Variants in ADAM33 observed in about 807,000 individuals in gnomAD.
ADAM33 encodes the protein disintegrin and metalloproteinase domain-containing protein 33.
A neutral mutation model predicts 106.2 loss-of-function variants in ADAM33; 103 were observed. The ratio of observed to expected loss-of-function variants is 0.97; its 90% confidence interval spans 0.83 to 1.14. The LOEUF (loss-of-function observed/expected upper bound fraction) is 1.14. ADAM33 is among the 50% of genes most tolerant of loss of function. The pLI, the probability that ADAM33 is intolerant of heterozygous loss-of-function variation, is 0.00. For synonymous variants in ADAM33, 483 were observed against 453.0 expected (o/e 1.07, Z -0.84); for missense variants, 1,120 against 1,096.6 (o/e 1.02, Z -0.30).
Position 3,672,798 on chromosome 20 carries a change from C to T in ADAM33, c.1234G>A (p.Gly412Arg), listed in dbSNP as rs755851229. Reference protein sequence around the residue: ...GACLSNAPDPGLPVPPALCGN... With the variant: ...GACLSNAPDPRLPVPPALCGN... ...CAGAGCGCCGGCGGCACCGGGAGTC[C>T]GGGGTCCGGGGCATTGGAGAGGCAA... The change falls in exon 12 of 22, where the codon GGA becomes AGA. Residue 412 changes from glycine to arginine, a missense_variant. Coordinates refer to ENST00000356518, the MANE Select transcript of ADAM33 (RefSeq NM_025220.5). The T allele has an allele frequency of 1.3e-6, 2 of 1,572,264 alleles. No individual in the cohort carries two copies. The highest frequency in any genetic ancestry group is 2.3e-5 in the East Asian group (1 of 43,852).
chr20:3,672,498 CT>C (rs2087608045), intron 13 of ADAM33, 38 bp downstream of exon 13: 1 of 1,599,204 alleles, frequency 6.3e-7, no homozygotes, highest in African/African-American at 1.3e-5. Flanking sequence ...GGCTCCCAAG[CT>C]CCCCGAAACC....
chr20:3,668,827 C>A lies in ADAM33; in HGVS notation c.*136G>T. On this transcript the variant is annotated 3_prime_UTR_variant, in exon 22 of 22. Coordinates refer to ENST00000356518, the MANE Select transcript of ADAM33 (RefSeq NM_025220.5). ...GGAGTGGGTGGGTCGAAGCTCCACT[C>A]GGGGAAGAAACTTCCAAGCTGCCTG... 1 of 1,099,124 alleles carries A rather than the reference C, an allele frequency of 9.1e-7. No homozygotes were observed. The allele number at this position is 1,099,124 out of a possible 1,614,324, so 68.1% of individuals were successfully genotyped here.
At position 3,675,929 on chromosome 20, in the gene ADAM33, C is replaced by T. The variant is rs1363198110; in HGVS notation, c.255-824G>A. On this transcript the variant is annotated intron_variant, in intron 3 of 21. Coordinates refer to ENST00000356518, the MANE Select transcript of ADAM33 (RefSeq NM_025220.5). The surrounding 1 kb of genome is among the most constrained non-coding windows in gnomAD (Gnocchi z 4.1). Reference sequence around the variant, plus strand: ...CTGCCCCCTACCCCTGCCCCACACACACCCGCCACCCTAGGAGGTAGGTGA... The same window carrying T: ...CTGCCCCCTACCCCTGCCCCACACATACCCGCCACCCTAGGAGGTAGGTGA... 6.6e-6 allele frequency among the ~76,000 whole-genome samples: 1 copy of T among 151,840 alleles called. No homozygotes were observed. The highest frequency in any genetic ancestry group is 2.4e-5 in the African/African-American group (1 of 41,334).
Position 3,675,934 on chromosome 20 carries a change from G to A in ADAM33, c.255-829C>T, listed in dbSNP as rs181495505. ...CCCTACCCCTGCCCCACACACACCC[G>A]CCACCCTAGGAGGTAGGTGATGTGA... On this transcript the variant is annotated intron_variant, in intron 3 of 21. Transcript: ENST00000356518. The surrounding 1 kb of genome is among the most constrained non-coding windows in gnomAD (Gnocchi z 4.1). Among the ~76,000 whole-genome samples, 448 of 132,050 alleles carry A rather than the reference G, an allele frequency of 3.4e-3. 1 individual carries two copies. Among genetic ancestry groups the A allele is most frequent in the African/African-American group, 0.012 (418 of 35,204 alleles). The allele number at this position is 132,050 out of a possible 152,430, so 86.6% of individuals were successfully genotyped here. A position where few individuals can be genotyped will look rare whatever the true frequency, so the allele number is the denominator to read the frequency against.
intron 3 of ADAM33, among the ~76,000 whole-genome samples, chr20:3,676,200 C>A (rs962958506): frequency 3.3e-5 from 5 of 151,164 alleles, no homozygotes; most frequent in African/African-American, 1.2e-4. Flanking sequence ...CCTTCCTGAG[C>A]ACAGGTCTGC....
At chr20:3,670,750 T>G in intron 19 of ADAM33, 4 of 458,496 alleles carry the variant, frequency 8.7e-6, no homozygotes, top group East Asian at 3.4e-5. Context: ...AGCAGGAGAG[T>G]GGACAAGAGG....
intron 2 of ADAM33, among the ~76,000 whole-genome samples, chr20:3,678,834 T>C (rs937249410): frequency 6.6e-6 from 1 of 152,256 alleles, no homozygotes; most frequent in African/African-American, 2.4e-5. Flanking sequence ...TACTGCCCTC[T>C]TAGTTTGCAG....
chr20:3,672,004 G>C lies in ADAM33; in HGVS notation c.1598-19C>G. ...TGGGAGCCTGAGGAAGCATGGGCCA[G>C]GCTGGGGGCAGCTCGGAGAGGGGCT... is the stretch of plus-strand genomic sequence containing the variant. On this transcript the variant is annotated intron_variant, in intron 14 of 21. Transcript: ENST00000356518. 1 of 1,553,786 alleles carries C rather than the reference G, an allele frequency of 6.4e-7. No individual in the cohort carries two copies. The highest frequency in any genetic ancestry group is 8.7e-7 in the Non-Finnish European group (1 of 1,148,706).
chr20:3,674,328 T>C, intron 6 of ADAM33, 44 bp from the exon 7 acceptor site: 2 of 1,613,010 alleles, frequency 1.2e-6, no homozygotes, highest in South Asian at 1.1e-5. Context: ...GCTGCTGGGC[T>C]TGAGCCCTGA....
intron 2 of ADAM33, among the ~76,000 whole-genome samples, 169 bp from the exon 3 acceptor site, chr20:3,677,312 A>T (rs756868165): frequency 2.6e-5 from 4 of 152,192 alleles, no homozygotes; most frequent in Non-Finnish European, 5.9e-5. Flanking sequence ...AGGTGAGAAC[A>T]TACAAAGATG....
rs765583683 is a variant in ADAM33 at position 3,674,609 on chromosome 20, C to A, written c.495G>T (p.Glu165Asp). ...PRGSKDFSTH[E>D]IFRMEQLLTW... ...TGAGCAGCTGCTCCATCCGAAAGAT[C>A]TCGTGGGTTGAGAAGTCCTTGGAGC... is the stretch of plus-strand genomic sequence containing the variant. The change falls in exon 6 of 22, where the codon GAG (glutamate) becomes GAT (aspartate). Residue 165 changes from glutamate to aspartate, a missense_variant. Transcript: ENST00000356518. The A allele has an allele frequency of 5.0e-6, 8 of 1,613,078 alleles. No homozygotes were observed. Among genetic ancestry groups the A allele is most frequent in the South Asian group, 1.1e-5 (1 of 90,862 alleles).
At chr20:3,673,517 G>T (rs1351123337) in intron 10 of ADAM33, 21 bp from the exon 11 acceptor site, 2 of 1,468,936 alleles carry the variant, frequency 1.4e-6, no homozygotes, top group South Asian at 2.9e-5. Context: ...GTGGGAGGGC[G>T]GTCACTGCGG....
intron 1 of ADAM33, 97 bp downstream of exon 1, chr20:3,681,811 C>T (rs1008075767): frequency 2.7e-6 from 4 of 1,461,088 alleles, no homozygotes; most frequent in Non-Finnish European, 3.6e-6. Context: ...GCCGTGAGAC[C>T]CTCCGCGCGC....
rs1166718194 is a variant in ADAM33 at position 3,669,019 on chromosome 20, T to C, written c.2405-19A>G. 1.2e-6 allele frequency: 2 copies of C among 1,613,874 alleles called. No individual in the cohort carries two copies. Among genetic ancestry groups the C allele is most frequent in the Non-Finnish European group, 8.5e-7 (1 of 1,179,896 alleles). On this transcript the variant is annotated intron_variant, in intron 21 of 21. Transcript: ENST00000356518. ...TGATCTGCTGAGAATGAGGAGGATA[T>C]GTTGTCCCCTAAGGACTGGGGCCCC...
In ADAM33 at chr20:3,675,665, G is replaced by A. The variant is rs2087895096; in HGVS notation, c.255-560C>T. ...CCCTGCCTCCAGAGAAAACAGAATC[G>A]CCACCTGCCCACGCTGCTTCCACCC... On this transcript the variant is annotated intron_variant, in intron 3 of 21. Transcript: ENST00000356518. The surrounding 1 kb of genome is among the most constrained non-coding windows in gnomAD (Gnocchi z 4.1). Among the ~76,000 whole-genome samples, 1 of 151,904 alleles carries A rather than the reference G, an allele frequency of 6.6e-6. No individual in the cohort carries two copies.
rs1274363593 is a variant in ADAM33 at position 3,673,345 on chromosome 20, C to G, written c.1133+9G>C. On this transcript the variant is annotated intron_variant, in intron 11 of 21. Coordinates refer to ENST00000356518, the MANE Select transcript of ADAM33 (RefSeq NM_025220.5). ...GCCCCGCCGCAGCCCCGACCCCCCA[C>G]CCGCGTACCCGGTGGCCGCAGCCAT... is the stretch of plus-strand genomic sequence containing the variant. The G allele has an allele frequency of 6.5e-7, 1 of 1,537,668 alleles. No homozygotes were observed. The highest frequency in any genetic ancestry group is 1.4e-5 in the African/African-American group (1 of 73,120).
chr20:3,679,683 TG>T, intron 1 of ADAM33, 112 bp from the exon 2 acceptor site: 1 of 901,496 alleles, frequency 1.1e-6, no homozygotes. Context: ...GGAGGCCTTT[TG>T]GGGCAGACTT....
In ADAM33 at chr20:3,672,702, C is replaced by T. The variant is rs1367464381; in HGVS notation, c.1311+19G>A. ...CCTGAGCGGAGAGGGCAAGTGGGGG[C>T]CGGGCGAGCCGACTTAACCTGGCCA... On this transcript the variant is annotated intron_variant, in intron 12 of 21. Transcript: ENST00000356518. 3.2e-6 allele frequency: 5 copies of T among 1,586,820 alleles called. No homozygotes were observed. The highest frequency in any genetic ancestry group is 2.3e-5 in the South Asian group (2 of 88,572).
At chr20:3,676,786 A>G (rs1234463157) in intron 3 of ADAM33, among the ~76,000 whole-genome samples, 1 of 152,012 alleles carries the variant, frequency 6.6e-6, no homozygotes. Flanking sequence ...GACTCAGCAT[A>G]TCTTGCAAAT....
Sources: allele counts gnomAD v4.1 joint callset (sites outside exome capture counted in the v4.1 genomes callset), GRCh38; gene constraint gnomAD v4.1.1; non-coding constraint Gnocchi (gnomAD v3.1); transcripts MANE v1.5; gene names NCBI Gene and HGNC (gene_info 2026-07-23, HGNC 2026-07-21).